Variants in EYS observed in about 807,000 individuals in gnomAD.
The protein encoded by EYS is protein eyes shut homolog.
Under a neutral mutation model 282.1 loss-of-function variants are expected in EYS, and 250 were observed. The ratio of observed to expected loss-of-function variants is 0.89; its 90% CI spans 0.80 to 0.98. The LOEUF (loss-of-function observed/expected upper bound fraction) is 0.98. EYS is among the 50% of genes least tolerant of loss of function. The pLI is 0.00. For missense variants in EYS, 4,016 were observed against 3,709.0 expected (o/e 1.08, Z -2.15); for synonymous variants, 1,355 against 1,282.9 (o/e 1.06, Z -1.20).
chr6:63,951,814 C>T (rs187526038), intron 35 of EYS, among the ~76,000 whole-genome samples: 4 of 152,152 alleles, frequency 2.6e-5, no homozygotes, highest in Admixed American at 2.6e-4. Flanking sequence ...AGCATTTAGA[C>T]TCTTTTTCAC....
At chr6:64,723,679 G>C (rs1251663289) in intron 22 of EYS, among the ~76,000 whole-genome samples, 1 of 152,114 alleles carries the variant, frequency 6.6e-6, no homozygotes, top group Non-Finnish European at 1.5e-5. Flanking sequence ...TTTGAAGATG[G>C]TCCTGCAGAA....
At chr6:64,859,656 T>A (rs1011821618) in intron 19 of EYS, among the ~76,000 whole-genome samples, 2 of 152,206 alleles carry the variant, frequency 1.3e-5, no homozygotes, top group Non-Finnish European at 2.9e-5. Flanking sequence ...TCTTCTCTTG[T>A]CTGCTGCCAT....
Position 64,898,868 on chromosome 6 carries a change from A to G in EYS, c.2846+3245T>C, listed in dbSNP as rs560702116. Reference sequence around the variant, plus strand: ...AATCAAAAAGACAAAGAAGGGCATTACATAACGGTAAAGGGATCAAGGCAA... The same window carrying G: ...AATCAAAAAGACAAAGAAGGGCATTGCATAACGGTAAAGGGATCAAGGCAA... On this transcript the variant is annotated intron_variant, in intron 18 of 42. Transcript: ENST00000503581. Among the ~76,000 whole-genome samples the G allele has an allele frequency of 5.3e-5, 8 of 152,148 alleles. No homozygotes were observed. In the South Asian group the frequency reaches 1.7e-3, roughly 32 times the overall value.
rs1480194245 is a variant in EYS, at chr6:64,744,709, AAC to A, written c.3443+68667_3443+68668del. ...AGTTTTAGAGTGTATACACTGAAAA[AAC>A]AGTTCCCTTTTAAGAAGAAATAAAA... On this transcript the variant is annotated intron_variant, in intron 22 of 42. Coordinates refer to ENST00000503581, the MANE Select transcript of EYS (RefSeq NM_001142800.2). Among the ~76,000 whole-genome samples, 5 of 152,296 alleles carry A rather than the reference AAC, an allele frequency of 3.3e-5. No individual in the cohort carries two copies. In the East Asian group the frequency reaches 9.6e-4, roughly 29 times the overall value.
At chr6:65,331,504 T>C in intron 11 of EYS, 1 of 941,222 alleles carries the variant, frequency 1.1e-6, no homozygotes, top group Non-Finnish European at 1.3e-6. Flanking sequence ...ATCTGCAACA[T>C]TTGTTGGGCT....
intron 22 of EYS, among the ~76,000 whole-genome samples, chr6:64,678,948 C>T (rs574599638): frequency 1.1e-4 from 17 of 149,640 alleles, no homozygotes; most frequent in Non-Finnish European, 2.4e-4. Context: ...GATTGTGCCA[C>T]TGCACTCCAG....
At chr6:64,478,837 A>G (rs1244821943) in intron 26 of EYS, among the ~76,000 whole-genome samples, 3 of 151,428 alleles carry the variant, frequency 2.0e-5, no homozygotes, top group African/African-American at 7.2e-5. Flanking sequence ...TAATTTTCTT[A>G]TGAATTTATA....
At chr6:65,659,275 T>G (rs769469224) in intron 1 of EYS, among the ~76,000 whole-genome samples, 1 of 151,748 alleles carries the variant, frequency 6.6e-6, no homozygotes, top group Admixed American at 6.6e-5. Flanking sequence ...AAAAGGAAAC[T>G]TTGTTTTCAA....
chr6:64,645,283 A>G (rs1425238435), intron 22 of EYS, among the ~76,000 whole-genome samples: 1 of 152,216 alleles, frequency 6.6e-6, no homozygotes, highest in East Asian at 1.9e-4. Context: ...GAATCAACAA[A>G]TAAAACAGAA....
At chr6:64,996,298 A>T (rs1278613794) in intron 14 of EYS, among the ~76,000 whole-genome samples, 1 of 152,110 alleles carries the variant, frequency 6.6e-6, no homozygotes, top group Non-Finnish European at 1.5e-5. Context: ...ATTATTATTT[A>T]AGTAGTTAAT....
At chr6:64,196,379 C>CCAT (rs1463309614) in intron 31 of EYS, among the ~76,000 whole-genome samples, 1 of 152,194 alleles carries the variant, frequency 6.6e-6, no homozygotes, top group Non-Finnish European at 1.5e-5. Flanking sequence ...TTTGACCCAG[C>CCAT]CATCCCATTA....
intron 22 of EYS, among the ~76,000 whole-genome samples, chr6:64,657,158 C>T (rs1165568603): frequency 6.6e-6 from 1 of 152,068 alleles, no homozygotes; most frequent in Non-Finnish European, 1.5e-5. Context: ...TCTGTTTTAT[C>T]AGAGACTAGG....
intron 26 of EYS, among the ~76,000 whole-genome samples, chr6:64,513,852 A>C (rs915690550): frequency 5.3e-5 from 8 of 151,808 alleles, no homozygotes. Context: ...CTTTAGATCT[A>C]ATGAGAAAGA....
intron 13 of EYS, among the ~76,000 whole-genome samples, chr6:65,025,073 A>G (rs927895903): frequency 2.6e-5 from 4 of 152,222 alleles, no homozygotes; most frequent in Admixed American, 1.3e-4. Flanking sequence ...TCACATTTAA[A>G]TTTCCAAGAA....
At chr6:65,074,723 A>G (rs1773996383) in intron 12 of EYS, among the ~76,000 whole-genome samples, 1 of 151,996 alleles carries the variant, frequency 6.6e-6, no homozygotes, top group African/African-American at 2.4e-5. Flanking sequence ...TTGTGGGGCC[A>G]AGTAACATTT....
chr6:63,833,542 G>A (rs759084146), intron 36 of EYS, among the ~76,000 whole-genome samples: 6 of 152,080 alleles, frequency 3.9e-5, no homozygotes, highest in Admixed American at 6.6e-5. Flanking sequence ...ATAAACCACT[G>A]CTCAACAAAA....
chr6:64,342,769 TAAAG>T (rs1180247820), intron 29 of EYS, among the ~76,000 whole-genome samples: 1 of 151,504 alleles, frequency 6.6e-6, no homozygotes, highest in East Asian at 1.9e-4. Context: ...GCAAATTGGA[TAAAG>T]AGTCAAAACC....
chr6:64,473,953 G>A (rs989728541), intron 26 of EYS, among the ~76,000 whole-genome samples: 6 of 152,108 alleles, frequency 3.9e-5, no homozygotes, highest in African/African-American at 7.2e-5. Flanking sequence ...ACAATTATTT[G>A]CTCAACTGGT....
At chr6:64,386,500 C>A (rs1198658341) in intron 29 of EYS, among the ~76,000 whole-genome samples, 4 of 152,086 alleles carry the variant, frequency 2.6e-5, no homozygotes, top group Admixed American at 1.3e-4. Flanking sequence ...AACAGAACTA[C>A]CCTCATGATT....
Sources: gnomAD v4.1 joint callset for allele counts (sites outside exome capture counted in the v4.1 genomes callset) on GRCh38, gnomAD v4.1.1 for gene constraint, MANE v1.5 for transcripts, NCBI Gene and HGNC (gene_info 2026-07-23, HGNC 2026-07-21) for gene names.